ZNF493: variants seen among roughly 807,000 people sequenced by gnomAD.
ZNF493 encodes zinc finger protein 493.
Under a neutral mutation model 12.2 loss-of-function variants are expected in ZNF493, and 11 were observed. That is an observed-to-expected ratio of 0.90 (90% CI 0.57 to 1.50). The LOEUF is 1.50. ZNF493 is among the 40% of genes most tolerant of loss of function. The pLI, the probability that ZNF493 is intolerant of heterozygous loss-of-function variation, is 0.00. For missense variants in ZNF493, 950 were observed against 906.6 expected, an observed-to-expected ratio of 1.05 and a Z score of -0.61; for synonymous variants, 286 against 302.6, an observed-to-expected ratio of 0.95 and a Z score of 0.57.
At position 21,423,522 on chromosome 19, in the gene ZNF493, C is replaced by A. The variant is rs988919804; in HGVS notation, c.863C>A (p.Thr288Asn). 10 of 1,613,722 alleles carry A rather than the reference C, an allele frequency of 6.2e-6. No individual in the cohort carries two copies. The highest frequency in any genetic ancestry group is 8.5e-6 in the Non-Finnish European group (10 of 1,179,824). ...SYLTRHKLIHTREKPYKCEQY... is the reference protein window; with the variant it reads ...SYLTRHKLIHNREKPYKCEQY... ...CTTACTAGGCATAAGCTAATTCATA[C>A]TAGAGAGAAACCCTATAAATGTGAA... The change falls in exon 4 of 4, where the codon ACT becomes AAT. Residue 288 changes from threonine (T) to asparagine (N), a missense_variant. Physicochemically the swap from Thr to Asn is moderately conservative, Grantham distance 65. Coordinates refer to ENST00000392288, the MANE Select transcript of ZNF493 (RefSeq NM_001076678.3).
At chr19:21,422,838 T>C (rs2030720425) in intron 3 of ZNF493, 75 bp from the exon 4 acceptor site, 2 of 1,316,618 alleles carry the variant, frequency 1.5e-6, no homozygotes, top group Admixed American at 2.5e-5. Context: ...TTGTATAATA[T>C]TATAGTTTAG....
Position 21,423,623 on chromosome 19 carries a change from A to G in ZNF493, c.964A>G (p.Lys322Glu), listed in dbSNP as rs1357768101. ...AATTCATAATGGAGAAAAACCCTAT[A>G]AATGTGAAGAATGTGGCAAAGCCTT... ...KIIHNGEKPY[K>E]CEECGKAFSI... Residue 322 changes from lysine (K) to glutamate (E), a missense_variant, in exon 4 of 4, where the codon AAA becomes GAA. Transcript: ENST00000392288. 6.2e-7 allele frequency: 1 copy of G among 1,609,480 alleles called. No individual in the cohort carries two copies.
Position 21,405,775 on chromosome 19 carries a change from A to G in ZNF493, c.172A>G (p.Lys58Glu). The change falls in exon 3 of 4, where the codon AAG becomes GAG. Residue 58 changes from lysine to glutamate, a missense_variant. By Grantham distance (56) the Lys-to-Glu change is moderately conservative (BLOSUM62 1). Transcript: ENST00000392288. Reference sequence around the variant, plus strand: ...TAATAAAGCAGGTATTGCTGTCTCTAAGCCAGATCTGGTCACCTGTCTGGA... The same window carrying G: ...TAATAAAGCAGGTATTGCTGTCTCTGAGCCAGATCTGGTCACCTGTCTGGA... ...NLVFLGIAVSKPDLVTCLEQG... is the reference protein window; with the variant it reads ...NLVFLGIAVSEPDLVTCLEQG... 6.2e-7 allele frequency: 1 copy of G among 1,611,956 alleles called. No homozygotes were observed. Among genetic ancestry groups the G allele is most frequent in the South Asian group, 1.1e-5 (1 of 90,782 alleles).
Position 21,423,075 on chromosome 19 carries a change from A to G in ZNF493, c.416A>G (p.Tyr139Cys), listed in dbSNP as rs900778267. Reference sequence around the variant, plus strand: ...GAGTGTAATGTGCACAAAGAAGGTTATAATGAACTAAACCAGTATTTGACA... The same window carrying G: ...GAGTGTAATGTGCACAAAGAAGGTTGTAATGAACTAAACCAGTATTTGACA... ...MNECNVHKEGYNELNQYLTTT... is the reference protein window; with the variant it reads ...MNECNVHKEGCNELNQYLTTT... The change falls in exon 4 of 4, where the codon TAT becomes TGT. Residue 139 changes from tyrosine to cysteine, a missense_variant. Physicochemically the swap from Tyr to Cys is radical, Grantham distance 194. Coordinates refer to ENST00000392288, the MANE Select transcript of ZNF493 (RefSeq NM_001076678.3). 6.2e-7 allele frequency: 1 copy of G among 1,613,806 alleles called. No individual in the cohort carries two copies. Among genetic ancestry groups the G allele is most frequent in the South Asian group, 1.1e-5 (1 of 91,024 alleles).
chr19:21,404,702 A>G (rs2030055951), intron 1 of ZNF493, among the ~76,000 whole-genome samples: 1 of 152,208 alleles, frequency 6.6e-6, no homozygotes. Context: ...CTCAGAGTTT[A>G]TTTCAGATCT....
chr19:21,400,939 C>G (rs2029920101), intron 1 of ZNF493, among the ~76,000 whole-genome samples: 1 of 152,158 alleles, frequency 6.6e-6, no homozygotes. Flanking sequence ...GTCTGAATGC[C>G]TTTTATTTCT....
At chr19:21,408,616 T>G (rs1371980202) in intron 3 of ZNF493, 1 of 984,986 alleles carries the variant, frequency 1.0e-6, no homozygotes, top group Non-Finnish European at 1.2e-6. Context: ...CATACCAAAT[T>G]GTATGAGTTA....
At chr19:21,399,151 ATTTTTTATTTTTTAT>A (rs1233260786) in intron 1 of ZNF493, among the ~76,000 whole-genome samples, 6 of 151,676 alleles carry the variant, frequency 4.0e-5, no homozygotes, top group Admixed American at 3.3e-4. Flanking sequence ...TTATTTATTT[ATTTTTTATTTTTTAT>A]TTTTTTATTT....
chr19:21,406,002 C>G (rs1165376673), intron 3 of ZNF493, 146 bp downstream of exon 3: 3 of 516,030 alleles, frequency 5.8e-6, no homozygotes, highest in East Asian at 6.7e-5. Context: ...AGGTGGATCA[C>G]CTGAGCTCAG....
intron 1 of ZNF493, among the ~76,000 whole-genome samples, chr19:21,403,341 G>A (rs1280520207): frequency 6.6e-6 from 1 of 152,178 alleles, no homozygotes; most frequent in African/African-American, 2.4e-5. Flanking sequence ...ATAGGAAGAG[G>A]TCAGTGTCAC....
At position 21,425,301 on chromosome 19, in the gene ZNF493, C is replaced by A; in HGVS notation, c.*317C>A. On this transcript the variant is annotated 3_prime_UTR_variant, in exon 4 of 4. Transcript: ENST00000392288. ...TGAAGAATGTGACAAAGCTTTTAACCACTTCTCAACCCTGCCTACACGTAA... is the reference window on the plus strand; with the variant it reads ...TGAAGAATGTGACAAAGCTTTTAACAACTTCTCAACCCTGCCTACACGTAA... 1 of 450,960 alleles carries A rather than the reference C, an allele frequency of 2.2e-6. No individual in the cohort carries two copies. Among genetic ancestry groups the A allele is most frequent in the Non-Finnish European group, 4.2e-6 (1 of 235,610 alleles). 27.9% of individuals were successfully genotyped at this position (450,960 alleles called of 1,614,324 possible). A position where few individuals can be genotyped will look rare whatever the true frequency, so the allele number is the denominator to read the frequency against.
rs554842063 is a variant in ZNF493 at position 21,399,481 on chromosome 19, A to C, written c.30+2214A>C. 7.9e-5 allele frequency among the ~76,000 whole-genome samples: 12 copies of C among 152,238 alleles called. No homozygotes were observed. In the South Asian group the frequency reaches 1.9e-3, roughly 24 times the overall value. ...GGCCCACATCTGTTATTTAACCAGC[A>C]CTGCCACTCCTGGATTTGTCACCTT... On this transcript the variant is annotated intron_variant, in intron 1 of 3. Transcript: ENST00000392288.
chr19:21,418,755 C>G (rs183400788), intron 3 of ZNF493, among the ~76,000 whole-genome samples: 1 of 152,106 alleles, frequency 6.6e-6, no homozygotes, highest in Non-Finnish European at 1.5e-5. Context: ...TTATGGGAAA[C>G]GAAGGGATGA....
At chr19:21,419,016 A>G (rs925115800) in intron 3 of ZNF493, among the ~76,000 whole-genome samples, 15 of 152,200 alleles carry the variant, frequency 9.9e-5, no homozygotes, top group African/African-American at 3.6e-4. Context: ...CCTGTTCCCA[A>G]CATGTAAGCT....
intron 1 of ZNF493, among the ~76,000 whole-genome samples, chr19:21,402,380 A>G (rs1270400406): frequency 5.3e-5 from 8 of 152,198 alleles, no homozygotes; most frequent in Admixed American, 3.3e-4. Context: ...CAAGGTTATA[A>G]TCCTCAAGCT....
chr19:21,416,185 T>C (rs1568381132), intron 3 of ZNF493, among the ~76,000 whole-genome samples: 1 of 152,222 alleles, frequency 6.6e-6, no homozygotes, highest in East Asian at 1.9e-4. Context: ...AAAAATGATA[T>C]CCTAATCTTT....
chr19:21,406,515 GT>G (rs2030134177), intron 3 of ZNF493, among the ~76,000 whole-genome samples: 6 of 152,204 alleles, frequency 3.9e-5, no homozygotes, highest in Admixed American at 3.9e-4. Flanking sequence ...CTTTTCCATT[GT>G]TTTGGGGGAC....
At position 21,423,026 on chromosome 19, in the gene ZNF493, A is replaced by C. The variant is rs1157315010; in HGVS notation, c.367A>C (p.Arg123=). 1 of 1,613,160 alleles carries C rather than the reference A, an allele frequency of 6.2e-7. No individual in the cohort carries two copies. Residue 123 remains arginine (R), a synonymous_variant, in exon 4 of 4, where the codon AGA becomes CGA. Coordinates refer to ENST00000392288, the MANE Select transcript of ZNF493 (RefSeq NM_001076678.3). ...VKCGHKDLQL[R]KGCKSMNECN... ...ATGTGGACATAAGGATTTACAGTTA[A>C]GAAAAGGATGTAAAAGTATGAATGA... is the stretch of plus-strand genomic sequence containing the variant.
intron 3 of ZNF493, among the ~76,000 whole-genome samples, chr19:21,415,360 C>T (rs7259311): frequency 0.55 from 84,187 of 151,990 alleles, 23,562 homozygotes; most frequent in Middle Eastern, 0.67. Flanking sequence ...GGTAGGAATG[C>T]CTAGAGCAGA....
Sources: gnomAD v4.1 joint callset for allele counts (sites outside exome capture counted in the v4.1 genomes callset) on GRCh38, gnomAD v4.1.1 for gene constraint, MANE v1.5 for transcripts, NCBI Gene and HGNC (gene_info 2026-07-23, HGNC 2026-07-21) for gene names.